PDE4D: variants seen among roughly 807,000 people sequenced by gnomAD.
PDE4D encodes phosphodiesterase 4D, also known as 3',5'-cyclic-AMP phosphodiesterase 4D.
Under a neutral mutation model 87.4 loss-of-function variants are expected in PDE4D, and 24 were observed. The observed-to-expected ratio is 0.27, with a 90% CI of 0.20 to 0.39. The LOEUF is 0.39. Among genes scored for constraint, PDE4D ranks in the 10% least tolerant of loss-of-function variants. PDE4D has a pLI of 1.00. For synonymous variants in PDE4D, 384 were observed against 383.2 expected, an observed-to-expected ratio of 1.00 and a Z score of -0.02; for missense variants, 714 against 1,041.0, an observed-to-expected ratio of 0.69 and a Z score of 4.32.
At chr5:59,780,441 T>C (rs555202953) in intron 1 of PDE4D, among the ~76,000 whole-genome samples, 1 of 152,348 alleles carries the variant, frequency 6.6e-6, no homozygotes, top group East Asian at 1.9e-4. Context: ...GTCTCTCTAA[T>C]ATGACAATGC....
At chr5:59,353,823 T>A (rs1377752056) in intron 1 of PDE4D, among the ~76,000 whole-genome samples, 2 of 152,126 alleles carry the variant, frequency 1.3e-5, no homozygotes, top group East Asian at 3.8e-4. Context: ...TCTTTTCTTA[T>A]AAAAATGTAT....
intron 2 of PDE4D, among the ~76,000 whole-genome samples, chr5:60,145,893 A>G (rs1413365892): frequency 1.3e-5 from 2 of 152,202 alleles, no homozygotes; most frequent in Non-Finnish European, 2.9e-5. Flanking sequence ...TGTGATACAT[A>G]TGTCCAAATC....
intron 1 of PDE4D, among the ~76,000 whole-genome samples, chr5:59,686,189 C>A (rs1456548774): frequency 6.6e-6 from 1 of 152,102 alleles, no homozygotes; most frequent in Non-Finnish European, 1.5e-5. Flanking sequence ...ATCAACTAAG[C>A]AAGAACTATG....
intron 1 of PDE4D, among the ~76,000 whole-genome samples, chr5:59,515,610 G>T (rs1811020504): frequency 6.6e-6 from 1 of 152,120 alleles, no homozygotes; most frequent in African/African-American, 2.4e-5. Context: ...CTAAATATTT[G>T]TTCGATATAA....
At chr5:59,036,824 G>A (rs990342059) in intron 6 of PDE4D, among the ~76,000 whole-genome samples, 4 of 152,094 alleles carry the variant, frequency 2.6e-5, no homozygotes, top group Admixed American at 6.5e-5. Context: ...CAGCTCTGTC[G>A]TGGGCTAGGA....
At chr5:59,089,618 G>A (rs1768333608) in intron 5 of PDE4D, among the ~76,000 whole-genome samples, 1 of 152,124 alleles carries the variant, frequency 6.6e-6, no homozygotes, top group African/African-American at 2.4e-5. Context: ...GCATGGACCA[G>A]TGATTCAAAA....
intron 1 of PDE4D, among the ~76,000 whole-genome samples, chr5:59,303,274 A>G (rs1012101292): frequency 6.6e-6 from 1 of 152,014 alleles, no homozygotes; most frequent in Non-Finnish European, 1.5e-5. Flanking sequence ...GGGTCCTTGT[A>G]GATTCTGGAT....
chr5:59,984,531 T>C (rs1490477076), intron 3 of PDE4D, among the ~76,000 whole-genome samples: 1 of 152,146 alleles, frequency 6.6e-6, no homozygotes, highest in Non-Finnish European at 1.5e-5. Context: ...TTGGGCATAC[T>C]CAAAAGAAAT....
At chr5:59,660,244 A>G (rs763057499) in intron 1 of PDE4D, among the ~76,000 whole-genome samples, 6 of 152,148 alleles carry the variant, frequency 3.9e-5, no homozygotes, top group Non-Finnish European at 4.4e-5. Flanking sequence ...TTTGCATTTC[A>G]TCCCTTGGTA....
chr5:59,014,182 C>T (rs182555226), intron 6 of PDE4D, among the ~76,000 whole-genome samples: 2,576 of 152,188 alleles, frequency 0.017, 66 homozygotes, highest in African/African-American at 0.047. Context: ...AAACCCACAG[C>T]CAATATCATA....
At chr5:59,295,462 TC>T (rs1768877004) in intron 1 of PDE4D, among the ~76,000 whole-genome samples, 1 of 152,158 alleles carries the variant, frequency 6.6e-6, no homozygotes, top group South Asian at 2.1e-4. Flanking sequence ...CTTGTCCTCA[TC>T]TTTAACCTCC....
intron 1 of PDE4D, chr5:60,460,605 A>G: frequency 1.6e-6 from 2 of 1,261,614 alleles, no homozygotes; most frequent in South Asian, 2.4e-5. Context: ...CAATGCATTC[A>G]ATTGCTTCTT....
chr5:60,142,783 C>T (rs1297567870), intron 2 of PDE4D, among the ~76,000 whole-genome samples: 2 of 152,096 alleles, frequency 1.3e-5, no homozygotes, highest in Non-Finnish European at 2.9e-5. Flanking sequence ...AACATGATGC[C>T]ATCAGATCTT....
intron 3 of PDE4D, among the ~76,000 whole-genome samples, chr5:59,912,786 T>G (rs1289686322): frequency 1.3e-5 from 2 of 152,218 alleles, no homozygotes; most frequent in African/African-American, 4.8e-5. Context: ...CAATCAAGGC[T>G]GCTACCCTCT....
intron 1 of PDE4D, among the ~76,000 whole-genome samples, chr5:59,443,625 G>A (rs1483482100): frequency 5.3e-5 from 8 of 152,198 alleles, no homozygotes; most frequent in Admixed American, 3.3e-4. Flanking sequence ...TTTATTTAAC[G>A]TGATTATTTT....
At chr5:59,321,616 G>C (rs762358290) in intron 1 of PDE4D, among the ~76,000 whole-genome samples, 2 of 152,096 alleles carry the variant, frequency 1.3e-5, no homozygotes, top group African/African-American at 4.8e-5. Context: ...AAATGTCTAT[G>C]AGATGGTGTG....
At chr5:59,116,713 C>T (rs1309621450) in intron 5 of PDE4D, among the ~76,000 whole-genome samples, 1 of 152,094 alleles carries the variant, frequency 6.6e-6, no homozygotes, top group Admixed American at 6.6e-5. Flanking sequence ...ACGCTGCAGC[C>T]AGGCAAGAAG....
intron 1 of PDE4D, among the ~76,000 whole-genome samples, chr5:59,403,185 A>G (rs1280165441): frequency 6.6e-6 from 1 of 152,038 alleles, no homozygotes; most frequent in African/African-American, 2.4e-5. Flanking sequence ...AGATAGATAG[A>G]TAGATTGATT....
intron 1 of PDE4D, among the ~76,000 whole-genome samples, chr5:59,392,524 T>TATATATATATATA (rs1562093627): frequency 4.7e-5 from 7 of 149,412 alleles, no homozygotes; most frequent in South Asian, 4.3e-4. Context: ...TATATATATA[T>TATATATATATATA]TCCATTAATT....
Sources: gnomAD v4.1 joint callset for allele counts (sites outside exome capture counted in the v4.1 genomes callset) on GRCh38, gnomAD v4.1.1 for gene constraint, MANE v1.5 for transcripts, NCBI Gene and HGNC (gene_info 2026-07-23, HGNC 2026-07-21) for gene names.